UGT1A10: variants seen among roughly 807,000 people sequenced by gnomAD.
UGT1A10 encodes UDP glucuronosyltransferase family 1 member A10, also known as UDP-glucuronosyltransferase 1A10.
Under a neutral mutation model 45.8 loss-of-function variants are expected in UGT1A10, and 49 were observed. The observed-to-expected ratio is 1.07, with a 90% CI of 0.85 to 1.36. The LOEUF (loss-of-function observed/expected upper bound fraction) is 1.36. UGT1A10 is among the 40% of genes most tolerant of loss of function. UGT1A10 has a pLI of 0.00. For missense variants in UGT1A10, 745 were observed against 668.6 expected (o/e 1.11, Z -1.26); for synonymous variants, 284 against 249.7 (o/e 1.14, Z -1.29).
At chr2:233,760,823 T>G in intron 1 of UGT1A10, 1 of 1,613,528 alleles carries the variant, frequency 6.2e-7, no homozygotes, top group Non-Finnish European at 8.5e-7. Context: ...CCATGCAGCC[T>G]GGAATTTGAG....
At chr2:233,737,085 G>C (rs1351233887) in intron 1 of UGT1A10, among the ~76,000 whole-genome samples, 2 of 152,202 alleles carry the variant, frequency 1.3e-5, no homozygotes, top group Non-Finnish European at 2.9e-5. Flanking sequence ...TGTCAGACAG[G>C]GATGTTTAAG....
At chr2:233,740,898 G>T (rs1431313785) in intron 1 of UGT1A10, 2 of 148,128 alleles carry the variant, frequency 1.4e-5, no homozygotes, top group Non-Finnish European at 3.0e-5. Context: ...CAACATAGTA[G>T]GTCAACATTG....
chr2:233,756,397 G>C (rs553407927), intron 1 of UGT1A10: 1 of 151,856 alleles, frequency 6.6e-6, no homozygotes. Flanking sequence ...TACAGTATTG[G>C]TTTTTTATTT....
intron 1 of UGT1A10, chr2:233,693,687 A>C: frequency 6.2e-7 from 1 of 1,614,230 alleles, no homozygotes; most frequent in South Asian, 1.1e-5. Flanking sequence ...CTGTTTTCAA[A>C]GTATGAAGAA....
At chr2:233,730,558 T>A (rs898063469) in intron 1 of UGT1A10, among the ~76,000 whole-genome samples, 1 of 152,142 alleles carries the variant, frequency 6.6e-6, no homozygotes, top group African/African-American at 2.4e-5. Context: ...GATTAGAGAA[T>A]GACACACGAA....
chr2:233,643,079 C>T (rs1251075042), intron 1 of UGT1A10, among the ~76,000 whole-genome samples: 2 of 152,214 alleles, frequency 1.3e-5, no homozygotes, highest in Non-Finnish European at 2.9e-5. Flanking sequence ...GCTCAACGCC[C>T]TTGGGCTTTA....
intron 1 of UGT1A10, among the ~76,000 whole-genome samples, chr2:233,659,700 C>T (rs904469076): frequency 6.6e-6 from 1 of 152,140 alleles, no homozygotes; most frequent in African/African-American, 2.4e-5. Context: ...TACTGTCTGA[C>T]ATTTTTGCTC....
intron 1 of UGT1A10, among the ~76,000 whole-genome samples, chr2:233,669,288 CT>C (rs2074135283): frequency 6.6e-6 from 1 of 151,318 alleles, no homozygotes; most frequent in South Asian, 2.1e-4. Context: ...GTTATTTTTG[CT>C]ATTGTAGGTC....
At chr2:233,729,112 G>A (rs557523932) in intron 1 of UGT1A10, 4 of 1,612,930 alleles carry the variant, frequency 2.5e-6, no homozygotes, top group East Asian at 2.2e-5. Flanking sequence ...TCAGCTGTCC[G>A]TGTCTTCTGC....
chr2:233,647,392 G>A (rs1037143542), intron 1 of UGT1A10, among the ~76,000 whole-genome samples: 1 of 152,080 alleles, frequency 6.6e-6, no homozygotes, highest in African/African-American at 2.4e-5. Flanking sequence ...TGGTAATGTT[G>A]GTCTCACAGA....
chr2:233,682,291 C>T (rs773715272), intron 1 of UGT1A10: 20 of 1,614,018 alleles, frequency 1.2e-5, no homozygotes, highest in African/African-American at 2.7e-5. Context: ...GTATTTTTGA[C>T]TTATTTTTTT....
intron 1 of UGT1A10, among the ~76,000 whole-genome samples, chr2:233,717,257 G>A (rs1281570889): frequency 6.6e-6 from 1 of 152,168 alleles, no homozygotes; most frequent in Non-Finnish European, 1.5e-5. Context: ...TAAGGGGGTT[G>A]GAGGAATAGT....
intron 1 of UGT1A10, among the ~76,000 whole-genome samples, chr2:233,653,409 G>C (rs1305797613): frequency 6.6e-6 from 1 of 152,022 alleles, no homozygotes; most frequent in Non-Finnish European, 1.5e-5. Context: ...TAAAGTAATA[G>C]GTTAAAAAAG....
chr2:233,738,593 G>A (rs971554241), intron 1 of UGT1A10, among the ~76,000 whole-genome samples: 1 of 152,204 alleles, frequency 6.6e-6, no homozygotes, highest in Non-Finnish European at 1.5e-5. Context: ...GGTCACTCTT[G>A]CTAAGCTTTA....
At chr2:233,660,967 G>C (rs1236054134) in intron 1 of UGT1A10, among the ~76,000 whole-genome samples, 1 of 151,896 alleles carries the variant, frequency 6.6e-6, no homozygotes, top group Non-Finnish European at 1.5e-5. Flanking sequence ...ATATCCTTCA[G>C]TTTTATTTAG....
At chr2:233,705,332 C>T (rs2075841710) in intron 1 of UGT1A10, among the ~76,000 whole-genome samples, 1 of 152,172 alleles carries the variant, frequency 6.6e-6, no homozygotes, top group Admixed American at 6.5e-5. Context: ...AACACATTCT[C>T]TCAATTTTTG....
intron 1 of UGT1A10, among the ~76,000 whole-genome samples, chr2:233,656,929 T>G (rs2073867321): frequency 1.3e-5 from 2 of 152,076 alleles, no homozygotes; most frequent in Admixed American, 1.3e-4. Context: ...ACATCTTTTT[T>G]TTTTTTCCTT....
At chr2:233,647,832 G>A in intron 1 of UGT1A10, 3 of 1,048,750 alleles carry the variant, frequency 2.9e-6, no homozygotes, top group Non-Finnish European at 4.1e-6. Context: ...CCAAAAGCTA[G>A]CTTTGGTGTC....
intron 1 of UGT1A10, chr2:233,682,720 T>C (rs751992006): frequency 6.2e-7 from 1 of 1,613,908 alleles, no homozygotes; most frequent in Non-Finnish European, 8.5e-7. Context: ...TTTTGGAGTA[T>C]CCCAAACCCG....
Sources: allele counts gnomAD v4.1 joint callset (sites outside exome capture counted in the v4.1 genomes callset), GRCh38; gene constraint gnomAD v4.1.1; transcripts MANE v1.5; gene names NCBI Gene and HGNC (gene_info 2026-07-23, HGNC 2026-07-21).